POLR1D: variants seen among roughly 807,000 people sequenced by gnomAD.
POLR1D encodes the protein DNA-directed RNA polymerases I and III subunit RPAC2.
In POLR1D, 8 loss-of-function variants were observed where a neutral mutation model predicts 10.8. That is an observed-to-expected ratio of 0.74 (90% confidence interval 0.43 to 1.33). The LOEUF is 1.33. POLR1D is among the 40% of genes most tolerant of loss of function. The pLI is 0.01. For missense variants in POLR1D, 152 were observed against 161.7 expected (o/e 0.94, Z 0.32); for synonymous variants, 54 against 57.2 (o/e 0.94, Z 0.25).
intron 1 of POLR1D, among the ~76,000 whole-genome samples, chr13:27,629,791 CA>C (rs1342806666): frequency 6.6e-6 from 1 of 152,210 alleles, no homozygotes; most frequent in Non-Finnish European, 1.5e-5. Context: ...GAAGGAAAAG[CA>C]AGTTCTGTAG....
chr13:27,664,328 C>A (rs2138576705), intron 2 of POLR1D, among the ~76,000 whole-genome samples: 1 of 152,306 alleles, frequency 6.6e-6, no homozygotes, highest in East Asian at 1.9e-4. Context: ...TTCTTCTTTG[C>A]CCTTCGTCTC....
chr13:27,633,831 A>T (rs776920183), intron 1 of POLR1D, among the ~76,000 whole-genome samples: 2 of 152,200 alleles, frequency 1.3e-5, no homozygotes, highest in Non-Finnish European at 2.9e-5. Flanking sequence ...ACTTAAACAT[A>T]AGTCCCGGAG....
intron 2 of POLR1D, among the ~76,000 whole-genome samples, chr13:27,655,902 A>G (rs1251339618): frequency 1.3e-5 from 2 of 152,174 alleles, no homozygotes; most frequent in African/African-American, 4.8e-5. Context: ...GGAGACCGAC[A>G]TATGTGTATG....
chr13:27,642,488 ATCT>A (rs1386392572), intron 1 of POLR1D, among the ~76,000 whole-genome samples: 3 of 151,768 alleles, frequency 2.0e-5, no homozygotes, highest in Admixed American at 2.0e-4. Flanking sequence ...TTTTTCTTTT[ATCT>A]TCTTCTCACC....
chr13:27,662,436 A>G (rs1956373561), intron 2 of POLR1D, among the ~76,000 whole-genome samples: 1 of 152,140 alleles, frequency 6.6e-6, no homozygotes, highest in Non-Finnish European at 1.5e-5. Flanking sequence ...TTTATATTAA[A>G]TGGGATAAAG....
chr13:27,625,420 A>G (rs928624933), downstream of POLR1D, among the ~76,000 whole-genome samples: 1 of 152,172 alleles, frequency 6.6e-6, no homozygotes, highest in Admixed American at 6.5e-5. Flanking sequence ...GAATTGGTAC[A>G]CTTCAGGAAC....
intron 1 of POLR1D, among the ~76,000 whole-genome samples, chr13:27,647,245 GT>G (rs913553310): frequency 6.6e-6 from 1 of 151,810 alleles, no homozygotes; most frequent in African/African-American, 2.4e-5. Context: ...TATGTTTTCT[GT>G]TTTTTTAACC....
chr13:27,627,727 G>GTTTTTTTTT (rs57621806), downstream of POLR1D, among the ~76,000 whole-genome samples: 20 of 95,422 alleles, frequency 2.1e-4, no homozygotes, highest in African/African-American at 3.3e-4. Context: ...TAAAGTTTTA[G>GTTTTTTTTT]TTTTTTTTTT....
chr13:27,646,376 G>GT (rs1956220564), intron 1 of POLR1D, among the ~76,000 whole-genome samples: 1 of 152,172 alleles, frequency 6.6e-6, no homozygotes. Flanking sequence ...TGCTTGAACT[G>GT]TAAGAGACAA....
At chr13:27,662,929 G>T (rs898578330) in intron 2 of POLR1D, among the ~76,000 whole-genome samples, 2 of 152,092 alleles carry the variant, frequency 1.3e-5, no homozygotes, top group Admixed American at 6.6e-5. Flanking sequence ...TACATAACAT[G>T]CCCAAAGTCC....
chr13:27,655,515 T>C (rs1419097895), intron 2 of POLR1D, among the ~76,000 whole-genome samples: 1 of 152,102 alleles, frequency 6.6e-6, no homozygotes, highest in African/African-American at 2.4e-5. Context: ...GGATTTGCCT[T>C]ATTATGTTTT....
downstream of POLR1D, among the ~76,000 whole-genome samples, chr13:27,627,846 G>A (rs1422429202): frequency 6.7e-6 from 1 of 148,644 alleles, no homozygotes; most frequent in Non-Finnish European, 1.5e-5. Context: ...AATGTAAGGA[G>A]GGCATACTTG....
At position 27,621,962 on chromosome 13, in the gene POLR1D, G is replaced by A. The variant is rs898299613; in HGVS notation, c.-22G>A. 1 of 1,589,532 alleles carries A rather than the reference G, an allele frequency of 6.3e-7. No individual in the cohort carries two copies. The highest frequency in any genetic ancestry group is 2.3e-5 in the East Asian group (1 of 44,028). The stretch of plus-strand genomic sequence containing the variant: ...CCCCCGATCCGCCAGCACCACCTGA[G>A]GATCCAGAAACCGCCCCAGCGATGG... On this transcript the variant is annotated 5_prime_UTR_variant, in exon 1 of 2. Coordinates refer to ENST00000302979, the MANE Select transcript of POLR1D (RefSeq NM_015972.4).
chr13:27,649,686 A>C (rs907545829), intron 2 of POLR1D, among the ~76,000 whole-genome samples: 1 of 152,214 alleles, frequency 6.6e-6, no homozygotes, highest in Non-Finnish European at 1.5e-5. Context: ...ATTTTCTCTT[A>C]AAAAAGAGAG....
chr13:27,627,210 C>G (rs912819656), downstream of POLR1D, among the ~76,000 whole-genome samples: 2 of 152,076 alleles, frequency 1.3e-5, no homozygotes, highest in Admixed American at 1.3e-4. Context: ...TTTTCTTGCT[C>G]AAATTCTTAA....
At chr13:27,653,249 G>C (rs1216325546) in intron 2 of POLR1D, among the ~76,000 whole-genome samples, 1 of 152,022 alleles carries the variant, frequency 6.6e-6, no homozygotes, top group Non-Finnish European at 1.5e-5. Flanking sequence ...TTAGTCTGAT[G>C]TCTACATCTA....
upstream of POLR1D, chr13:27,621,449 G>C (rs1436142160): frequency 6.6e-6 from 1 of 152,378 alleles, no homozygotes; most frequent in East Asian, 1.9e-4. Flanking sequence ...TGTGTTGACC[G>C]ACTACAGTTT....
At chr13:27,624,095 C>T (rs1407189034), downstream of POLR1D, among the ~76,000 whole-genome samples, 3 of 152,088 alleles carry the variant, frequency 2.0e-5, no homozygotes, top group African/African-American at 4.8e-5. Flanking sequence ...ACACATATCC[C>T]ACCCGCCAGT....
intron 1 of POLR1D, among the ~76,000 whole-genome samples, chr13:27,632,758 C>T (rs146432624): frequency 6.6e-6 from 1 of 151,532 alleles, no homozygotes; most frequent in African/African-American, 2.4e-5. Context: ...TTCCCTCTAC[C>T]CCTCAAACAC....
Sources: allele counts gnomAD v4.1 joint callset (sites outside exome capture counted in the v4.1 genomes callset), GRCh38; gene constraint gnomAD v4.1.1; transcripts MANE v1.5; gene names NCBI Gene and HGNC (gene_info 2026-07-23, HGNC 2026-07-21).